The following BLOC1S5 variants were observed in gnomAD, a reference collection of about 807,000 sequenced individuals.
BLOC1S5 encodes biogenesis of lysosome-related organelles complex 1 subunit 5.
In BLOC1S5, 27 loss-of-function variants were observed where a neutral mutation model predicts 24.3. The ratio of observed to expected loss-of-function variants is 1.11; its 90% CI spans 0.82 to 1.53. The LOEUF (loss-of-function observed/expected upper bound fraction) is 1.53, where lower values mean the gene tolerates loss of function less well. BLOC1S5 is among the 40% of genes most tolerant of loss of function. The probability of loss-of-function intolerance (pLI) is 0.00; values close to 1 mark genes in which losing one functional copy is unlikely to be tolerated. For missense variants in BLOC1S5, 239 were observed against 229.4 expected (o/e 1.04, Z -0.27); for synonymous variants, 84 against 74.5 (o/e 1.13, Z -0.66).
chr6:8,055,384 G>A (rs570713680), intron 2 of BLOC1S5, among the ~76,000 whole-genome samples: 15 of 152,332 alleles, frequency 9.8e-5, no homozygotes, highest in South Asian at 8.3e-4. Context: ...GTAGTGAGCC[G>A]AGATTGTACC....
chr6:8,042,097 A>C (rs1763715267), intron 2 of BLOC1S5, among the ~76,000 whole-genome samples: 1 of 152,228 alleles, frequency 6.6e-6, no homozygotes, highest in African/African-American at 2.4e-5. Context: ...AAATGCTCCA[A>C]AAGTTGCAAT....
At chr6:8,045,690 A>T (rs1427892649) in intron 2 of BLOC1S5, among the ~76,000 whole-genome samples, 1 of 152,176 alleles carries the variant, frequency 6.6e-6, no homozygotes, top group Non-Finnish European at 1.5e-5. Context: ...GTCAAAGGGG[A>T]TCATTTTGGA....
chr6:8,032,444 A>C (rs1225887958), intron 3 of BLOC1S5, among the ~76,000 whole-genome samples: 3 of 152,148 alleles, frequency 2.0e-5, no homozygotes, highest in Admixed American at 2.0e-4. Context: ...CCATAATTTA[A>C]AAAATTTAAA....
chr6:8,041,288 G>A lies in BLOC1S5; in HGVS notation c.196-20C>T. 1 of 1,374,218 alleles carries A rather than the reference G, an allele frequency of 7.3e-7. No individual in the cohort carries two copies. The highest frequency in any genetic ancestry group is 1.2e-5 in the South Asian group (1 of 82,318). The allele number at this position is 1,374,218 out of a possible 1,614,324, so 85.1% of individuals were successfully genotyped here. A position where few individuals can be genotyped will look rare whatever the true frequency, so the allele number is the denominator to read the frequency against. ...TTTTTCCTATTAAAAGAAAGTAGAT[G>A]ACTAATAAATATGGTGTCTTTTCCT... On this transcript the variant is annotated intron_variant, in intron 2 of 4. Transcript: ENST00000397457.
At chr6:8,040,007 A>G (rs371942437) in intron 3 of BLOC1S5, among the ~76,000 whole-genome samples, 39 of 152,254 alleles carry the variant, frequency 2.6e-4, no homozygotes, top group African/African-American at 8.9e-4. Context: ...AGTGGGAACT[A>G]ACAAAGTAGA....
chr6:8,048,231 T>C (rs1422390766), intron 2 of BLOC1S5, among the ~76,000 whole-genome samples: 2 of 152,184 alleles, frequency 1.3e-5, no homozygotes, highest in Non-Finnish European at 2.9e-5. Flanking sequence ...TAGTATTTTG[T>C]AGTAGCTCAT....
intron 2 of BLOC1S5, among the ~76,000 whole-genome samples, chr6:8,045,119 G>A (rs1763834960): frequency 6.6e-6 from 1 of 152,160 alleles, no homozygotes; most frequent in African/African-American, 2.4e-5. Flanking sequence ...TAGGTCCATG[G>A]CCTCCATGCT....
rs200594081 is a variant in BLOC1S5, at chr6:8,027,504, A to T, written c.326-1079T>A. On this transcript the variant is annotated intron_variant, in intron 3 of 4. Transcript: ENST00000397457. ...CTTAAAAGTAAATCATTTCAATATT[A>T]ATAATGATAACCACTTAGAGTAGTT... 166 of 450,684 alleles carry T rather than the reference A, an allele frequency of 3.7e-4. 1 individual carries two copies. In the East Asian group the frequency reaches 6.8e-3, roughly 19 times the overall value. The allele number at this position is 450,684 out of a possible 1,614,324, so 27.9% of individuals were successfully genotyped here.
intron 4 of BLOC1S5, among the ~76,000 whole-genome samples, chr6:8,019,824 A>G (rs1482140412): frequency 6.6e-6 from 1 of 152,212 alleles, no homozygotes; most frequent in Non-Finnish European, 1.5e-5. Context: ...CCTACATTAC[A>G]TACAATTCTA....
intron 2 of BLOC1S5, among the ~76,000 whole-genome samples, chr6:8,042,416 T>G (rs547928926): frequency 2.6e-5 from 4 of 152,348 alleles, no homozygotes; most frequent in Admixed American, 6.5e-5. Flanking sequence ...CTCATAAGGT[T>G]GGCCCTGGCT....
intron 2 of BLOC1S5, among the ~76,000 whole-genome samples, 170 bp from the exon 3 acceptor site, chr6:8,041,438 A>C (rs1235156281): frequency 2.1e-5 from 3 of 141,990 alleles, no homozygotes; most frequent in African/African-American, 5.3e-5. Context: ...TCAGCCTCCC[A>C]AGTAGCTGGG....
intron 2 of BLOC1S5, among the ~76,000 whole-genome samples, chr6:8,044,099 C>T (rs1370104124): frequency 2.6e-5 from 4 of 151,902 alleles, no homozygotes; most frequent in East Asian, 1.9e-4. Context: ...CTGGCCAACA[C>T]GGTGAAACCC....
At chr6:8,047,509 C>T (rs1352152030) in intron 2 of BLOC1S5, among the ~76,000 whole-genome samples, 7 of 152,078 alleles carry the variant, frequency 4.6e-5, no homozygotes, top group African/African-American at 1.4e-4. Context: ...TGTTTTTTAT[C>T]CCCCAGTTTG....
In BLOC1S5 at chr6:8,015,687, C is replaced by A. The variant is rs147203524; in HGVS notation, c.526G>T (p.Glu176Ter). 1 of 1,613,732 alleles carries A rather than the reference C, an allele frequency of 6.2e-7. No homozygotes were observed. Among genetic ancestry groups the A allele is most frequent in the African/African-American group, 1.3e-5 (1 of 74,916 alleles). ...AMERLKEQYA[E>*]MEKDLAKFST... ...AATTTCGCTAGGTCCTTCTCCATCT[C>A]AGCATATTGTTCTTTAAGCCTTTCC... The change falls in exon 5 of 5, where the codon GAG becomes TAG. Residue 176 changes from glutamate (E) to a stop codon, truncating the protein, a stop_gained. Transcript: ENST00000397457. LOFTEE classifies it high-confidence loss of function.
rs1416508888 is a variant in BLOC1S5, at chr6:8,015,744, C to A, written c.469G>T (p.Ala157Ser). 2 of 1,614,162 alleles carry A rather than the reference C, an allele frequency of 1.2e-6. No homozygotes were observed. The highest frequency in any genetic ancestry group is 1.7e-6 in the Non-Finnish European group (2 of 1,180,028). Residue 157 changes from alanine (A) to serine (S), a missense_variant, in exon 5 of 5, where the codon GCT becomes TCT. Transcript: ENST00000397457. ...TTTCTGTGCTCTTCATCCACTTCAG[C>A]CCTTTTGTTGGGTTGCTCCTTCATG... ...NFMKEQPNKRAEVDEEHRKAM... is the reference protein window; with the variant it reads ...NFMKEQPNKRSEVDEEHRKAM...
In BLOC1S5 at chr6:8,054,323, A is replaced by G. The variant is rs148562307; in HGVS notation, c.195+8211T>C. 2.9e-5 allele frequency: 13 copies of G among 444,846 alleles called. No homozygotes were observed. In the East Asian group the frequency reaches 5.8e-4, roughly 20 times the overall value. 27.6% of individuals were successfully genotyped at this position (444,846 alleles called of 1,614,324 possible). On this transcript the variant is annotated intron_variant, in intron 2 of 4. Coordinates refer to ENST00000397457, the MANE Select transcript of BLOC1S5 (RefSeq NM_201280.3). ...CTACATCTTCACCGTCAGAACACAC[A>G]GCCACTGGATATTACACTGTCTGCC...
chr6:8,024,480 C>T (rs1470416869), intron 4 of BLOC1S5, among the ~76,000 whole-genome samples: 1 of 147,854 alleles, frequency 6.8e-6, no homozygotes, highest in Non-Finnish European at 1.5e-5. Context: ...GCACCACTGC[C>T]CTCCAGCCTG....
intron 3 of BLOC1S5, among the ~76,000 whole-genome samples, chr6:8,030,409 C>T (rs1401807777): frequency 6.6e-6 from 1 of 150,608 alleles, no homozygotes; most frequent in Non-Finnish European, 1.5e-5. Context: ...CCACCCACCT[C>T]GGCCTCCCAA....
At chr6:8,022,959 C>G (rs886471785) in intron 4 of BLOC1S5, among the ~76,000 whole-genome samples, 3 of 152,176 alleles carry the variant, frequency 2.0e-5, no homozygotes, top group Non-Finnish European at 4.4e-5. Context: ...AGACAGATAA[C>G]TGGATCTAAT....
Sources: allele counts gnomAD v4.1 joint callset (sites outside exome capture counted in the v4.1 genomes callset), GRCh38; gene constraint gnomAD v4.1.1; transcripts MANE v1.5; gene names NCBI Gene and HGNC (gene_info 2026-07-23, HGNC 2026-07-21).